KLHL25: variants seen among roughly 807,000 people sequenced by gnomAD.
KLHL25 encodes kelch-like protein 25.
KLHL25 carries 41 observed loss-of-function variants against 30.0 expected under a neutral mutation model. The ratio of observed to expected loss-of-function variants is 1.37; its 90% confidence interval spans 1.07 to 1.78. The LOEUF (loss-of-function observed/expected upper bound fraction) is 1.78, where lower values mean the gene tolerates loss of function less well. Among genes scored for constraint, KLHL25 ranks in the 40% most tolerant of loss-of-function variants. The probability of loss-of-function intolerance (pLI) is 0.00; values close to 1 mark genes in which losing one functional copy is unlikely to be tolerated. For synonymous variants in KLHL25, 399 were observed against 355.3 expected (o/e 1.12, Z -1.38); for missense variants, 971 against 824.5 (o/e 1.18, Z -2.18).
At position 85,789,473 on chromosome 15, in the gene KLHL25, G is replaced by A. The variant is rs1351634734; in HGVS notation, c.-11+5293C>T. Among the ~76,000 whole-genome samples the A allele has an allele frequency of 6.6e-6, 1 of 151,948 alleles. No individual in the cohort carries two copies. The highest frequency in any genetic ancestry group is 1.5e-5 in the Non-Finnish European group (1 of 67,982). ...TCGGCTTACTGCAACTTCTGCCTCC[G>A]GGGTTCAAGCGATTCTCCTGTCTCA... On this transcript the variant is annotated intron_variant, in intron 1 of 2. Transcript: ENST00000337975. The surrounding 1 kb of genome is among the most constrained non-coding windows in gnomAD (Gnocchi z 4.1).
In KLHL25 at chr15:85,768,124, C is replaced by T; in HGVS notation, c.1687G>A (p.Asp563Asn). ...KTLDCYDPTS[D>N]TWNCITTVPY... ...ACTGTGGTGATGCAGTTCCATGTAT[C>T]TGAAGTGGGGTCATAGCAGTCCAGA... Residue 563 changes from aspartate to asparagine, a missense_variant, in exon 2 of 3, where the codon GAT (aspartate) becomes AAT (asparagine). Asp to Asn is a conservative substitution (Grantham distance 23). Coordinates refer to ENST00000337975, the MANE Select transcript of KLHL25 (RefSeq NM_022480.4). 1 of 1,614,254 alleles carries T rather than the reference C, an allele frequency of 6.2e-7. No homozygotes were observed. The highest frequency in any genetic ancestry group is 2.2e-5 in the East Asian group (1 of 44,890).
intron 1 of KLHL25, 79 bp from the exon 2 acceptor site, chr15:85,769,899 G>A: frequency 3.3e-6 from 4 of 1,207,774 alleles, no homozygotes; most frequent in Non-Finnish European, 1.2e-6. Flanking sequence ...TTCAGCACAA[G>A]CCCCCTTGTC....
intron 2 of KLHL25, chr15:85,762,998 C>T: frequency 6.6e-6 from 1 of 152,300 alleles, no homozygotes; most frequent in Non-Finnish European, 1.5e-5. Flanking sequence ...CTGTCGGCAG[C>T]CGGATGCCTG....
At chr15:85,765,339 AAG>A (rs1555469263) in intron 2 of KLHL25, among the ~76,000 whole-genome samples, 2 of 151,370 alleles carry the variant, frequency 1.3e-5, no homozygotes, top group South Asian at 2.1e-4. Flanking sequence ...ATTAAAAAAA[AAG>A]AAGACCGGGC....
chr15:85,777,645 A>ACTGCAGCCTCTGGTCACCAGGGAGT (rs2151810417), intron 1 of KLHL25, among the ~76,000 whole-genome samples: 1 of 152,318 alleles, frequency 6.6e-6, no homozygotes, highest in East Asian at 1.9e-4. Context: ...TCCCAGGGTG[A>ACTGCAGCCTCTGGTCACCAGGGAGT]CTGCAGCCTC....
rs777932417 is a variant in KLHL25, at chr15:85,760,157, C to G, written c.*879G>C. 2 of 152,322 alleles carry G rather than the reference C, an allele frequency of 1.3e-5. No individual in the cohort carries two copies. The highest frequency in any genetic ancestry group is 2.9e-5 in the Non-Finnish European group (2 of 68,118). 9.4% of individuals were successfully genotyped at this position (152,322 alleles called of 1,614,324 possible). A position where few individuals can be genotyped will look rare whatever the true frequency, so the allele number is the denominator to read the frequency against. On this transcript the variant is annotated 3_prime_UTR_variant, in exon 3 of 3. Transcript: ENST00000337975. Reference sequence around the variant, plus strand: ...TCCCTCTGCTGTCTCCAGCTCACAGCTGCTCCTGGTCTTGGAGGGCAGCGT... The same window carrying G: ...TCCCTCTGCTGTCTCCAGCTCACAGGTGCTCCTGGTCTTGGAGGGCAGCGT...
At position 85,768,388 on chromosome 15, in the gene KLHL25, T is replaced by C. The variant is rs2089639279; in HGVS notation, c.1423A>G (p.Lys475Glu). ...CGCCAAGGCTGGGGGCACTCGGCCT[T>C]GATCGTCCACCTGTTCTCCGAGGGG... ...YDPSENRWTI[K>E]AECPQPWRYT... The change falls in exon 2 of 3, where the codon AAG becomes GAG. Residue 475 changes from lysine (K) to glutamate (E), a missense_variant. Transcript: ENST00000337975. 1 of 1,613,714 alleles carries C rather than the reference T, an allele frequency of 6.2e-7. No individual in the cohort carries two copies. The highest frequency in any genetic ancestry group is 1.3e-5 in the African/African-American group (1 of 75,052).
intron 1 of KLHL25, among the ~76,000 whole-genome samples, chr15:85,774,261 T>C (rs1369724541): frequency 6.6e-6 from 1 of 152,180 alleles, no homozygotes; most frequent in Non-Finnish European, 1.5e-5. Context: ...TGAGCTTTGA[T>C]GGATTTAAGG....
rs954546901 is a variant in KLHL25, at chr15:85,781,735, C to T, written c.-10-11915G>A. 3.3e-5 allele frequency among the ~76,000 whole-genome samples: 5 copies of T among 152,164 alleles called. No homozygotes were observed. In the South Asian group the frequency reaches 6.2e-4, roughly 19 times the overall value. The stretch of plus-strand genomic sequence containing the variant: ...CTAATCTCCAGTAATCCACCTGCCT[C>T]GGCCTCCCAAAGTGTTGGGATTACA... On this transcript the variant is annotated intron_variant, in intron 1 of 2. Transcript: ENST00000337975.
chr15:85,770,441 C>A, intron 1 of KLHL25: 1 of 520,196 alleles, frequency 1.9e-6, no homozygotes, highest in Non-Finnish European at 4.0e-6. Flanking sequence ...CAGGCTCTGC[C>A]CTGGGCCGGG....
chr15:85,793,431 C>T (rs2089829906), intron 1 of KLHL25, among the ~76,000 whole-genome samples: 1 of 152,178 alleles, frequency 6.6e-6, no homozygotes, highest in African/African-American at 2.4e-5. Context: ...CTTGTGGACC[C>T]AAGAGCCTCC....
chr15:85,779,068 G>T (rs1281848895), intron 1 of KLHL25, among the ~76,000 whole-genome samples: 6 of 147,172 alleles, frequency 4.1e-5, no homozygotes, highest in South Asian at 4.3e-4. Context: ...TTTTTTTAAA[G>T]AGAAGCCATC....
chr15:85,776,924 C>CA (rs201819421), intron 1 of KLHL25, among the ~76,000 whole-genome samples: 20,667 of 148,440 alleles, frequency 0.14, 1,937 homozygotes, highest in Middle Eastern at 0.28. Flanking sequence ...GACTCCATCT[C>CA]AAAAAAAATA....
chr15:85,768,996 C>G lies in KLHL25; in HGVS notation c.815G>C (p.Cys272Ser). The change falls in exon 2 of 3, where the codon TGC becomes TCC. Residue 272 changes from cysteine (C) to serine (S), a missense_variant. Physicochemically the swap from Cys to Ser is moderately radical, Grantham distance 112. Coordinates refer to ENST00000337975, the MANE Select transcript of KLHL25 (RefSeq NM_022480.4). Reference sequence around the variant, plus strand: ...ATCATTCTGCAGGATCCTGGTCTTGCAGCGCAGGGCCTCATCCATGATAAG... The same window carrying G: ...ATCATTCTGCAGGATCCTGGTCTTGGAGCGCAGGGCCTCATCCATGATAAG... ...TKLIMDEALR[C>S]KTRILQNDGV... 6.2e-7 allele frequency: 1 copy of G among 1,612,230 alleles called. No homozygotes were observed. Among genetic ancestry groups the G allele is most frequent in the African/African-American group, 1.3e-5 (1 of 75,076 alleles).
At position 85,794,900 on chromosome 15, in the gene KLHL25, T is replaced by TC. The variant is rs1235011780; in HGVS notation, c.-146_-145insG. ...AAAACGCTCTCGCTGCGATACAGCC[T>TC]AGGCGCCGCCAACAAACTAGTTTCT... is the stretch of plus-strand genomic sequence containing the variant. On this transcript the variant is annotated 5_prime_UTR_variant, in exon 1 of 3. Coordinates refer to ENST00000337975, the MANE Select transcript of KLHL25 (RefSeq NM_022480.4). 6.6e-6 allele frequency: 1 copy of TC among 152,380 alleles called. No homozygotes were observed. The highest frequency in any genetic ancestry group is 1.5e-5 in the Non-Finnish European group (1 of 68,192). 9.4% of individuals were successfully genotyped at this position (152,380 alleles called of 1,614,324 possible).
chr15:85,773,739 G>A (rs867249890), intron 1 of KLHL25, among the ~76,000 whole-genome samples: 6 of 152,324 alleles, frequency 3.9e-5, no homozygotes, highest in South Asian at 2.1e-4. Context: ...ACTGCTGACC[G>A]GACTGGACCA....
In KLHL25 at chr15:85,768,119, TG is replaced by T; in HGVS notation, c.1691del (p.Thr564AsnfsTer132). The T allele has an allele frequency of 6.2e-7, 1 of 1,614,186 alleles. No homozygotes were observed. Among genetic ancestry groups the T allele is most frequent in the South Asian group, 1.1e-5 (1 of 91,088 alleles). On this transcript the variant is annotated frameshift_variant, in exon 2 of 3. Transcript: ENST00000337975. LOFTEE classifies it low-confidence loss of function (END_TRUNC). ...AGGGCACTGTGGTGATGCAGTTCCATGTATCTGAAGTGGGGTCATAGCAGTC... is the reference window on the plus strand; with the variant it reads ...AGGGCACTGTGGTGATGCAGTTCCATTATCTGAAGTGGGGTCATAGCAGTC... Reference protein sequence around the residue: ...TLDCYDPTSDTWNCITTVPYS... With the variant: ...TLDCYDPTSDXWNCITTVPYS...
rs2089577478 is a variant in KLHL25, at chr15:85,760,889, C to T, written c.*147G>A. 6.6e-6 allele frequency: 1 copy of T among 152,346 alleles called. No individual in the cohort carries two copies. The highest frequency in any genetic ancestry group is 1.5e-5 in the Non-Finnish European group (1 of 68,118). 9.4% of individuals were successfully genotyped at this position (152,346 alleles called of 1,614,324 possible). A position where few individuals can be genotyped will look rare whatever the true frequency, so the allele number is the denominator to read the frequency against. On this transcript the variant is annotated 3_prime_UTR_variant, in exon 3 of 3. Transcript: ENST00000337975. ...CTCTTGCCTAAAGCTCAGAACAGCCCAAGGCTGCTGCTCCCCAGAGCTGGC... is the reference window on the plus strand; with the variant it reads ...CTCTTGCCTAAAGCTCAGAACAGCCTAAGGCTGCTGCTCCCCAGAGCTGGC...
intron 1 of KLHL25, among the ~76,000 whole-genome samples, chr15:85,790,112 G>T (rs976978096): frequency 2.6e-5 from 4 of 152,140 alleles, no homozygotes; most frequent in African/African-American, 9.6e-5. Context: ...TTGTTGAGAC[G>T]GAGTTTCGCT....
Sources: gnomAD v4.1 joint callset for allele counts (sites outside exome capture counted in the v4.1 genomes callset) on GRCh38, gnomAD v4.1.1 for gene constraint, Gnocchi (gnomAD v3.1) non-coding constraint, MANE v1.5 for transcripts, NCBI Gene and HGNC (gene_info 2026-07-23, HGNC 2026-07-21) for gene names.